MTHFD2L: variants seen among roughly 807,000 people sequenced by gnomAD.
MTHFD2L encodes methylenetetrahydrofolate dehydrogenase (NADP+ dependent) 2 like, also known as bifunctional methylenetetrahydrofolate dehydrogenase/cyclohydrolase 2, mitochondrial.
In MTHFD2L, 29 loss-of-function variants were observed where a neutral mutation model predicts 34.9. The observed-to-expected ratio is 0.83, with a 90% CI of 0.62 to 1.13. MTHFD2L has a LOEUF of 1.13. MTHFD2L is among the 50% of genes most tolerant of loss of function. MTHFD2L has a pLI of 0.00. For synonymous variants in MTHFD2L, 167 were observed against 155.7 expected, an observed-to-expected ratio of 1.07 and a Z score of -0.54; for missense variants, 481 against 446.5, an observed-to-expected ratio of 1.08 and a Z score of -0.70.
At chr4:74,204,122 C>G (rs567086822) in intron 5 of MTHFD2L, among the ~76,000 whole-genome samples, 10 of 152,106 alleles carry the variant, frequency 6.6e-5, no homozygotes, top group African/African-American at 2.4e-4. Flanking sequence ...TTCTGGGGAG[C>G]TGGGTTCTGA....
chr4:74,185,977 G>T (rs1731160655), intron 3 of MTHFD2L, among the ~76,000 whole-genome samples: 1 of 151,970 alleles, frequency 6.6e-6, no homozygotes, highest in African/African-American at 2.4e-5. Flanking sequence ...AGATTCAAAA[G>T]GTATTAACAA....
chr4:74,159,969 A>G (rs1037548057), intron 1 of MTHFD2L: 38 of 934,578 alleles, frequency 4.1e-5, no homozygotes, highest in Non-Finnish European at 5.1e-5. Flanking sequence ...CCCAAGGTTG[A>G]GAAACACCTG....
intron 6 of MTHFD2L, among the ~76,000 whole-genome samples, chr4:74,226,185 G>A (rs940385044): frequency 8.4e-5 from 10 of 118,966 alleles, no homozygotes; most frequent in Non-Finnish European, 1.3e-4. Flanking sequence ...CCCCATTTTG[G>A]TTGACAAAAA....
intron 6 of MTHFD2L, among the ~76,000 whole-genome samples, chr4:74,277,563 C>T (rs925497641): frequency 6.6e-6 from 1 of 151,934 alleles, no homozygotes; most frequent in Non-Finnish European, 1.5e-5. Context: ...CAGTTCAATC[C>T]CTTCTTTATT....
At chr4:74,142,538 G>A (rs981514818) in intron 1 of MTHFD2L, among the ~76,000 whole-genome samples, 2 of 152,160 alleles carry the variant, frequency 1.3e-5, no homozygotes, top group Admixed American at 6.5e-5. Flanking sequence ...CTTTATAACT[G>A]TGAGAAATAA....
intron 5 of MTHFD2L, among the ~76,000 whole-genome samples, chr4:74,205,436 C>T (rs1405384721): frequency 6.6e-6 from 1 of 152,160 alleles, no homozygotes; most frequent in Non-Finnish European, 1.5e-5. Flanking sequence ...ACATGCAGAA[C>T]CCTAGTGATT....
At chr4:74,173,560 A>C (rs1423126332) in intron 1 of MTHFD2L, among the ~76,000 whole-genome samples, 1 of 152,194 alleles carries the variant, frequency 6.6e-6, no homozygotes, top group Non-Finnish European at 1.5e-5. Context: ...GTAAGTTAAA[A>C]GAGTTGTGTA....
At chr4:74,218,379 C>T (rs1359573441) in intron 5 of MTHFD2L, among the ~76,000 whole-genome samples, 2 of 152,046 alleles carry the variant, frequency 1.3e-5, no homozygotes, top group Admixed American at 6.6e-5. Flanking sequence ...GGGAACATTC[C>T]ATAGGGTCTG....
At chr4:74,119,064 G>A (rs1468342552), upstream of MTHFD2L, among the ~76,000 whole-genome samples, 3 of 152,150 alleles carry the variant, frequency 2.0e-5, no homozygotes, top group East Asian at 1.9e-4. Flanking sequence ...GCCTGCAGAC[G>A]CATATCAAAA....
intron 5 of MTHFD2L, among the ~76,000 whole-genome samples, chr4:74,202,599 C>T (rs980667123): frequency 2.0e-5 from 3 of 152,206 alleles, no homozygotes; most frequent in Non-Finnish European, 4.4e-5. Flanking sequence ...CAGCGTATCA[C>T]TGTCTGCTAA....
At chr4:74,173,429 G>A (rs945291724) in intron 1 of MTHFD2L, among the ~76,000 whole-genome samples, 8 of 152,168 alleles carry the variant, frequency 5.3e-5, no homozygotes, top group South Asian at 2.1e-4. Context: ...ATTGCATTGG[G>A]AAGGAACTAA....
intron 1 of MTHFD2L, chr4:74,160,022 T>C: frequency 7.8e-7 from 1 of 1,273,918 alleles, no homozygotes. Flanking sequence ...GGACAGTGTG[T>C]TGATGCTTAT....
chr4:74,143,955 T>C (rs868376303), intron 1 of MTHFD2L, among the ~76,000 whole-genome samples: 105 of 152,114 alleles, frequency 6.9e-4, no homozygotes, highest in African/African-American at 2.4e-3. Flanking sequence ...TGAAATGAAA[T>C]GAGAAGGTAG....
chr4:74,246,371 G>A (rs1283319678), intron 6 of MTHFD2L, among the ~76,000 whole-genome samples: 1 of 151,784 alleles, frequency 6.6e-6, no homozygotes, highest in Non-Finnish European at 1.5e-5. Context: ...GTAGATTCTG[G>A]ATATTGGCCC....
chr4:74,281,905 T>C (rs1578710796), intron 7 of MTHFD2L, among the ~76,000 whole-genome samples: 2 of 152,080 alleles, frequency 1.3e-5, no homozygotes, highest in South Asian at 2.1e-4. Context: ...TACTCTACGC[T>C]TAGTCAAATA....
intron 1 of MTHFD2L, among the ~76,000 whole-genome samples, chr4:74,170,798 A>G (rs1727773138): frequency 2.6e-5 from 4 of 152,156 alleles, no homozygotes; most frequent in Middle Eastern, 3.4e-3. Context: ...CTATGCAGCC[A>G]TAAAAAATGA....
intron 1 of MTHFD2L, among the ~76,000 whole-genome samples, chr4:74,137,560 C>T (rs1578240336): frequency 6.6e-6 from 1 of 151,920 alleles, no homozygotes; most frequent in African/African-American, 2.4e-5. Context: ...AGAGGTTCTT[C>T]AAAAAACTGA....
At chr4:74,241,554 G>T (rs993200411) in intron 6 of MTHFD2L, 1 of 447,382 alleles carries the variant, frequency 2.2e-6, no homozygotes, top group Non-Finnish European at 4.5e-6. Flanking sequence ...GCTAATTTTT[G>T]TATTTTTTGT....
chr4:74,121,263 T>C (rs1237589030), upstream of MTHFD2L, among the ~76,000 whole-genome samples: 8 of 152,142 alleles, frequency 5.3e-5, no homozygotes, highest in Non-Finnish European at 1.5e-5. Context: ...GATCAACTGC[T>C]TGAGATGGCA....
Sources: gnomAD v4.1 joint callset for allele counts (sites outside exome capture counted in the v4.1 genomes callset) on GRCh38, gnomAD v4.1.1 for gene constraint, MANE v1.5 for transcripts, NCBI Gene and HGNC (gene_info 2026-07-23, HGNC 2026-07-21) for gene names.